TAF4: variants seen among roughly 807,000 people sequenced by gnomAD.
TAF4 encodes the protein transcription initiation factor TFIID subunit 4.
TAF4 carries 9 observed loss-of-function variants against 90.3 expected under a neutral mutation model. The observed-to-expected ratio is 0.10, with a 90% CI of 0.06 to 0.17. TAF4 has a LOEUF of 0.17. TAF4 is among the 10% of genes least tolerant of loss of function. TAF4 has a pLI of 1.00. For missense variants in TAF4, 1,351 were observed against 1,370.7 expected (o/e 0.99, Z 0.23); for synonymous variants, 818 against 638.9 (o/e 1.28, Z -4.23).
chr20:62,013,909 GTGTGTGTGTGTGTGTGT>G (rs1568932073), intron 2 of TAF4, among the ~76,000 whole-genome samples: 29 of 79,076 alleles, frequency 3.7e-4, no homozygotes, highest in South Asian at 2.8e-3. Flanking sequence ...TGACGCGGGT[GTGTGTGTGTGTGTGTGT>G]GTGTGTGTGT....
chr20:62,065,562 G>C lies in TAF4; in HGVS notation c.249C>G (p.Pro83=), dbSNP rs1237632031. ...AGPAAPAEGA[P]GAAPEPPPAG... ...CGGGGGGCGGCTCCGGCGCCGCTCCGGGCGCGCCCTCGGCGGGGGCGGCCG... is the reference window on the plus strand; with the variant it reads ...CGGGGGGCGGCTCCGGCGCCGCTCCCGGCGCGCCCTCGGCGGGGGCGGCCG... Residue 83 remains proline, a synonymous_variant, in exon 1 of 15, where the codon CCC becomes CCG. Transcript: ENST00000252996. 6.1e-6 allele frequency: 6 copies of C among 977,764 alleles called. No individual in the cohort carries two copies. Among genetic ancestry groups the C allele is most frequent in the Non-Finnish European group, 7.3e-6 (6 of 827,160 alleles). The allele number at this position is 977,764 out of a possible 1,614,324, so 60.6% of individuals were successfully genotyped here. A position where few individuals can be genotyped will look rare whatever the true frequency, so the allele number is the denominator to read the frequency against.
chr20:62,039,442 T>G (rs1485813165), intron 1 of TAF4, among the ~76,000 whole-genome samples: 2 of 152,266 alleles, frequency 1.3e-5, no homozygotes, highest in East Asian at 3.9e-4. Flanking sequence ...AAAATTAACT[T>G]GAATTGGGTT....
chr20:62,003,444 G>A (rs2123131859), intron 8 of TAF4, among the ~76,000 whole-genome samples, 170 bp from the exon 9 acceptor site: 1 of 152,266 alleles, frequency 6.6e-6, no homozygotes, highest in African/African-American at 2.4e-5. Context: ...AGTGTAAGCT[G>A]TACCTCTCGA....
chr20:62,063,396 G>A (rs1038318676), intron 1 of TAF4, among the ~76,000 whole-genome samples: 2 of 152,176 alleles, frequency 1.3e-5, no homozygotes, highest in Non-Finnish European at 2.9e-5. Context: ...CACGGCACGC[G>A]TCACCACAGG....
intron 13 of TAF4, 100 bp from the exon 14 acceptor site, chr20:61,997,769 T>C: frequency 1.4e-6 from 2 of 1,390,950 alleles, no homozygotes; most frequent in African/African-American, 1.5e-5. Flanking sequence ...TGTAGTTTTC[T>C]AAATCATAAC....
intron 7 of TAF4, chr20:62,004,559 C>G (rs2055732269): frequency 6.6e-6 from 1 of 151,902 alleles, no homozygotes; most frequent in Admixed American, 6.6e-5. Flanking sequence ...AACTCCTAGG[C>G]TCAAGCGATC....
chr20:62,000,141 TCTG>T lies in TAF4; in HGVS notation c.2767_2769del (p.Gln923del). On this transcript the variant is annotated inframe_deletion, in exon 11 of 15. Transcript: ENST00000252996. The stretch of plus-strand genomic sequence containing the variant: ...CCTGTTACCTTGTAAGAAAAGTTCT[TCTG>T]CTGAGCTGTTTCTGATATTTTCTCT... 1 of 1,614,248 alleles carries T rather than the reference TCTG, an allele frequency of 6.2e-7. No individual in the cohort carries two copies. Among genetic ancestry groups the T allele is most frequent in the Non-Finnish European group, 8.5e-7 (1 of 1,180,046 alleles).
chr20:62,053,220 TTTC>T (rs1568943170), intron 1 of TAF4, among the ~76,000 whole-genome samples: 1 of 152,206 alleles, frequency 6.6e-6, no homozygotes, highest in Non-Finnish European at 1.5e-5. Context: ...CAGTCCGTGC[TTTC>T]CCAACTCTCA....
intron 1 of TAF4, among the ~76,000 whole-genome samples, chr20:62,021,283 A>G (rs1270420779): frequency 1.3e-5 from 2 of 152,228 alleles, no homozygotes; most frequent in Non-Finnish European, 2.9e-5. Context: ...AACAAAAGAC[A>G]GGATCCAGGA....
chr20:62,011,486 C>T (rs562127269), intron 3 of TAF4, among the ~76,000 whole-genome samples: 8 of 152,322 alleles, frequency 5.3e-5, no homozygotes, highest in East Asian at 1.9e-4. Flanking sequence ...AAAATCCAGA[C>T]GCACCAATCA....
In TAF4 at chr20:62,021,574, G is replaced by A. The variant is rs1013865924; in HGVS notation, c.1361-6867C>T. On this transcript the variant is annotated intron_variant, in intron 1 of 14. Coordinates refer to ENST00000252996, the MANE Select transcript of TAF4 (RefSeq NM_003185.4). ...CGGCCAGGGCTGCGTGGGCTGGGCC[G>A]GGGCTCTGCGGACTGCGGCTGGGCA... is the stretch of plus-strand genomic sequence containing the variant. Among the ~76,000 whole-genome samples the A allele has an allele frequency of 1.3e-4, 20 of 152,382 alleles. No homozygotes were observed. In the East Asian group the frequency reaches 1.4e-3, roughly 10 times the overall value.
rs6061984 is a variant in TAF4 at position 62,046,207 on chromosome 20, G to A, written c.1360+18244C>T. Among the ~76,000 whole-genome samples the A allele has an allele frequency of 6.2e-3, 949 of 152,256 alleles. 13 individuals carry two copies. Among genetic ancestry groups the A allele is most frequent in the African/African-American group, 0.022 (901 of 41,542 alleles). The stretch of plus-strand genomic sequence containing the variant: ...GCAACAGGAAGGAACATGGCCCCAG[G>A]GACTTGGTACGGCTTTACTGAAATA... On this transcript the variant is annotated intron_variant, in intron 1 of 14. Transcript: ENST00000252996.
rs1478135349 is a variant in TAF4 at position 61,975,705 on chromosome 20, G to C, written c.*463C>G. 1 of 160,442 alleles carries C rather than the reference G, an allele frequency of 6.2e-6. No individual in the cohort carries two copies. The highest frequency in any genetic ancestry group is 1.8e-4 in the East Asian group (1 of 5,618). 9.9% of individuals were successfully genotyped at this position (160,442 alleles called of 1,614,324 possible). ...AGAGCGGGGTGGGAGGGGAAGGGAA[G>C]GAAGATAAATAGTCTAAAAAATCAG... On this transcript the variant is annotated 3_prime_UTR_variant, in exon 15 of 15. Coordinates refer to ENST00000252996, the MANE Select transcript of TAF4 (RefSeq NM_003185.4).
At position 62,007,645 on chromosome 20, in the gene TAF4, T is replaced by C. The variant is rs1184073155; in HGVS notation, c.1885-9A>G. On this transcript the variant is annotated splice_polypyrimidine_tract_variant and intron_variant, in intron 5 of 14. Transcript: ENST00000252996. ...GCTTCTATTTTTCCATCCTTAAAAA[T>C]AAAATCCATGTTGAAATTCTGGTGA... 3.8e-6 allele frequency: 6 copies of C among 1,598,070 alleles called. No individual in the cohort carries two copies. The highest frequency in any genetic ancestry group is 1.4e-5 in the African/African-American group (1 of 74,034).
intron 14 of TAF4, 21 bp from the exon 15 acceptor site, chr20:61,976,356 G>A (rs1047763720): frequency 6.2e-7 from 1 of 1,611,882 alleles, no homozygotes; most frequent in Admixed American, 1.7e-5. Context: ...AAAAGGAGAA[G>A]ACAGTGTGTT....
intron 1 of TAF4, among the ~76,000 whole-genome samples, chr20:62,061,311 A>G (rs2056087518): frequency 6.6e-6 from 1 of 152,226 alleles, no homozygotes; most frequent in Admixed American, 6.5e-5. Flanking sequence ...CCAATGCTCC[A>G]GACAGCACCC....
chr20:62,015,750 A>G (rs2055808682), intron 1 of TAF4, among the ~76,000 whole-genome samples: 1 of 152,202 alleles, frequency 6.6e-6, no homozygotes, highest in Non-Finnish European at 1.5e-5. Context: ...CCTGTTGGTC[A>G]TGATGACAAA....
chr20:62,003,965 TTCC>T, intron 7 of TAF4, 87 bp from the exon 8 acceptor site: 1 of 1,455,500 alleles, frequency 6.9e-7, no homozygotes, highest in Non-Finnish European at 9.0e-7. Context: ...TTCCCTTCCC[TTCC>T]TTTGCACCCC....
chr20:61,998,678 G>C (rs755976420), intron 12 of TAF4, among the ~76,000 whole-genome samples: 1 of 152,172 alleles, frequency 6.6e-6, no homozygotes, highest in Non-Finnish European at 1.5e-5. Context: ...AGGACAACGT[G>C]AGTGTGAAGA....
Sources: allele counts gnomAD v4.1 joint callset (sites outside exome capture counted in the v4.1 genomes callset), GRCh38; gene constraint gnomAD v4.1.1; transcripts MANE v1.5; gene names NCBI Gene and HGNC (gene_info 2026-07-23, HGNC 2026-07-21).